The following ZNF354C variants were observed in gnomAD, a reference collection of about 807,000 sequenced individuals.
The protein encoded by ZNF354C is KRAB-zinc finger protein synten.
ZNF354C carries 7 observed loss-of-function variants against 12.4 expected under a neutral mutation model. The ratio of observed to expected loss-of-function variants is 0.56; its 90% confidence interval spans 0.32 to 1.06. ZNF354C has a LOEUF of 1.06. ZNF354C is among the 50% of genes least tolerant of loss of function. The pLI, the probability that ZNF354C is intolerant of heterozygous loss-of-function variation, is 0.04. For synonymous variants in ZNF354C, 202 were observed against 224.5 expected (o/e 0.90, Z 0.90); for missense variants, 609 against 658.0 (o/e 0.93, Z 0.81).
chr5:179,061,073 A>G lies in ZNF354C; in HGVS notation c.-55+407A>G, dbSNP rs188062213. On this transcript the variant is annotated intron_variant, in intron 1 of 4. Coordinates refer to ENST00000315475, the MANE Select transcript of ZNF354C (RefSeq NM_014594.3). ...TGAAAATACTGCGTGGAAAACACTC[A>G]CCGCTTCCTGGGAGGAGGTGCGCTT... is the stretch of plus-strand genomic sequence containing the variant. 1.2e-4 allele frequency among the ~76,000 whole-genome samples: 19 copies of G among 152,250 alleles called. 1 individual carries two copies. The highest frequency in any genetic ancestry group is 1.2e-3 in the Admixed American group (18 of 15,290).
rs1360396858 is a variant in ZNF354C, at chr5:179,081,725, T to C, written c.*1628T>C. On this transcript the variant is annotated 3_prime_UTR_variant, in exon 5 of 5. Coordinates refer to ENST00000315475, the MANE Select transcript of ZNF354C (RefSeq NM_014594.3). ...CCCAAATTTTGGTTTCTAAATGCCATTCCCCACTAAAAGGAACCAGGGTTC... is the reference window on the plus strand; with the variant it reads ...CCCAAATTTTGGTTTCTAAATGCCACTCCCCACTAAAAGGAACCAGGGTTC... The C allele has an allele frequency of 6.6e-6, 1 of 152,206 alleles. No homozygotes were observed. Among genetic ancestry groups the C allele is most frequent in the Non-Finnish European group, 1.5e-5 (1 of 68,032 alleles). The allele number at this position is 152,206 out of a possible 1,614,324, so 9.4% of individuals were successfully genotyped here.
intron 2 of ZNF354C, among the ~76,000 whole-genome samples, chr5:179,063,051 C>G (rs1327206383): frequency 6.6e-6 from 1 of 152,168 alleles, no homozygotes; most frequent in African/African-American, 2.4e-5. Flanking sequence ...CCCTTCTGTG[C>G]ATTTTTTCTG....
chr5:179,076,987 G>A (rs6863664), intron 3 of ZNF354C, 84 bp from the exon 4 acceptor site: 26,028 of 1,207,884 alleles, frequency 0.022, 702 homozygotes, highest in African/African-American at 0.12. Context: ...TCTTTGCTGT[G>A]TTGGTTCAGA....
chr5:179,076,163 T>C (rs2113121819), intron 2 of ZNF354C, among the ~76,000 whole-genome samples: 1 of 152,342 alleles, frequency 6.6e-6, no homozygotes, highest in South Asian at 2.1e-4. Flanking sequence ...TCGCCTTCTC[T>C]TGAGAAAGAT....
At chr5:179,075,622 A>G (rs1489985683) in intron 2 of ZNF354C, among the ~76,000 whole-genome samples, 1 of 152,188 alleles carries the variant, frequency 6.6e-6, no homozygotes, top group Non-Finnish European at 1.5e-5. Context: ...GACAGCTTGT[A>G]TCCTTCCAGA....
intron 2 of ZNF354C, among the ~76,000 whole-genome samples, chr5:179,067,402 C>A (rs1357511913): frequency 6.6e-6 from 1 of 152,122 alleles, no homozygotes; most frequent in Non-Finnish European, 1.5e-5. Context: ...TTGGAAGTTA[C>A]ATGCATCATT....
chr5:179,073,528 A>G (rs962796711), intron 2 of ZNF354C, among the ~76,000 whole-genome samples: 25 of 152,278 alleles, frequency 1.6e-4, no homozygotes, highest in African/African-American at 5.5e-4. Flanking sequence ...ATTTATTTAC[A>G]TCTGGACTGG....
intron 4 of ZNF354C, 76 bp from the exon 5 acceptor site, chr5:179,078,607 C>G (rs1429156817): frequency 1.8e-6 from 2 of 1,140,150 alleles, no homozygotes; most frequent in East Asian, 4.8e-5. Context: ...ATACTGTTAC[C>G]AGTTTTTTTG....
Position 179,079,474 on chromosome 5 carries a change from A to C in ZNF354C, c.1042A>C (p.Arg348=). The change falls in exon 5 of 5, where the codon AGA becomes CGA. Residue 348 remains arginine (R), a synonymous_variant. Transcript: ENST00000315475. This position sits in a 1 kb window ranked among gnomAD's most constrained non-coding sequence, Gnocchi z 4.2. ...NCRAKLHRHQ[R]IHTGEKPYKC... Reference sequence around the variant, plus strand: ...TAGAGCAAAACTTCACAGGCATCAAAGAATCCATACAGGTGAGAAACCCTA... The same window carrying C: ...TAGAGCAAAACTTCACAGGCATCAACGAATCCATACAGGTGAGAAACCCTA... 6.2e-7 allele frequency: 1 copy of C among 1,614,180 alleles called. No homozygotes were observed.
chr5:179,067,186 A>G (rs553510247), intron 2 of ZNF354C, among the ~76,000 whole-genome samples: 2 of 152,320 alleles, frequency 1.3e-5, no homozygotes, highest in Middle Eastern at 3.4e-3. Flanking sequence ...ACTAAAGGCT[A>G]TAGAATCGTT....
At chr5:179,063,282 GGCACAGTAGCTCAC>G (rs1183217439) in intron 2 of ZNF354C, among the ~76,000 whole-genome samples, 3 of 152,164 alleles carry the variant, frequency 2.0e-5, no homozygotes, top group Non-Finnish European at 4.4e-5. Flanking sequence ...GTAGTAGCTG[GGCACAGTAGCTCAC>G]GCCTATAATC....
chr5:179,069,736 G>T (rs1036722395), intron 2 of ZNF354C, among the ~76,000 whole-genome samples: 1 of 150,390 alleles, frequency 6.6e-6, no homozygotes, highest in East Asian at 2.0e-4. Context: ...CGCGGTGGCG[G>T]GCGCCTGTAG....
At chr5:179,072,652 T>C (rs561912276) in intron 2 of ZNF354C, among the ~76,000 whole-genome samples, 1 of 152,262 alleles carries the variant, frequency 6.6e-6, no homozygotes, top group African/African-American at 2.4e-5. Flanking sequence ...AATAGAAATA[T>C]AGTGTGAACC....
intron 2 of ZNF354C, among the ~76,000 whole-genome samples, chr5:179,069,879 CAAAA>C (rs768397342): frequency 2.6e-5 from 4 of 151,806 alleles, no homozygotes; most frequent in Non-Finnish European, 5.9e-5. Context: ...AACAAACAAA[CAAAA>C]AAAACCAGAT....
intron 2 of ZNF354C, among the ~76,000 whole-genome samples, chr5:179,069,606 C>T (rs190414244): frequency 4.9e-4 from 73 of 149,632 alleles, no homozygotes; most frequent in African/African-American, 1.7e-3. Context: ...TGGCTCACGC[C>T]TGTAATCCCA....
rs1762248771 is a variant in ZNF354C at position 179,082,911 on chromosome 5, G to A, written c.*2814G>A. 2.0e-6 allele frequency: 2 copies of A among 981,304 alleles called. No individual in the cohort carries two copies. The highest frequency in any genetic ancestry group is 1.6e-5 in the African/African-American group (1 of 62,780). The allele number at this position is 981,304 out of a possible 1,614,324, so 60.8% of individuals were successfully genotyped here. ...GCCAGTGCGCTGATGAAGAATCACG[G>A]AGAACTCCACCTCATCTCCTGCCTG... is the stretch of plus-strand genomic sequence containing the variant. On this transcript the variant is annotated 3_prime_UTR_variant, in exon 5 of 5. Transcript: ENST00000315475.
Position 179,082,810 on chromosome 5 carries a change from C to T in ZNF354C, c.*2713C>T, listed in dbSNP as rs936821956. 4 of 1,336,854 alleles carry T rather than the reference C, an allele frequency of 3.0e-6. No individual in the cohort carries two copies. Among genetic ancestry groups the T allele is most frequent in the Non-Finnish European group, 3.2e-6 (3 of 928,418 alleles). 82.8% of individuals were successfully genotyped at this position (1,336,854 alleles called of 1,614,324 possible). On this transcript the variant is annotated 3_prime_UTR_variant, in exon 5 of 5. Transcript: ENST00000315475. ...AGGGTGATGTTCTTCAAGCGACTGA[C>T]CAACCGATCAGGTCGAGGAGCTGCA...
Position 179,079,141 on chromosome 5 carries a change from A to T in ZNF354C, c.709A>T (p.Ile237Phe), listed in dbSNP as rs760012857. 1.2e-6 allele frequency: 2 copies of T among 1,613,784 alleles called. No homozygotes were observed. The change falls in exon 5 of 5, where the codon ATT becomes TTT. Residue 237 changes from isoleucine to phenylalanine, a missense_variant. By Grantham distance (21) the Ile-to-Phe change is conservative. Transcript: ENST00000315475. The surrounding 1 kb of genome is among the most constrained non-coding windows in gnomAD (Gnocchi z 4.2). Reference protein sequence around the residue: ...QNLHLIEHQRIHTGEKPYKCN... With the variant: ...QNLHLIEHQRFHTGEKPYKCN... ...TCTGCATCTTATTGAACATCAGAGA[A>T]TTCATACAGGTGAGAAACCCTACAA... is the stretch of plus-strand genomic sequence containing the variant.
Position 179,078,771 on chromosome 5 carries a change from A to T in ZNF354C, c.339A>T (p.Glu113Asp). The T allele has an allele frequency of 6.2e-7, 1 of 1,614,094 alleles. No homozygotes were observed. The highest frequency in any genetic ancestry group is 1.1e-5 in the South Asian group (1 of 91,064). ...EETSQGMVKK[E>D]SIKDGHWDIN... is the part of the protein sequence containing the mutation. Reference sequence around the variant, plus strand: ...CATCTCAGGGAATGGTAAAGAAAGAATCCATTAAGGATGGTCACTGGGACA... The same window carrying T: ...CATCTCAGGGAATGGTAAAGAAAGATTCCATTAAGGATGGTCACTGGGACA... The change falls in exon 5 of 5, where the codon GAA (glutamate) becomes GAT (aspartate). Residue 113 changes from glutamate to aspartate, a missense_variant. Glu to Asp is a conservative substitution (Grantham distance 45, BLOSUM62 2). Coordinates refer to ENST00000315475, the MANE Select transcript of ZNF354C (RefSeq NM_014594.3).
Sources: gnomAD v4.1 joint callset for allele counts (sites outside exome capture counted in the v4.1 genomes callset) on GRCh38, gnomAD v4.1.1 for gene constraint, Gnocchi (gnomAD v3.1) non-coding constraint, MANE v1.5 for transcripts, NCBI Gene and HGNC (gene_info 2026-07-23, HGNC 2026-07-21) for gene names.